ABI3BP: variants seen among roughly 807,000 people sequenced by gnomAD.
ABI3BP encodes ABI family member 3 binding protein, also known as target of Nesh-SH3.
ABI3BP carries 216 observed loss-of-function variants against 268.6 expected under a neutral mutation model. The ratio of observed to expected loss-of-function variants is 0.80; its 90% CI spans 0.72 to 0.90. The LOEUF is 0.90. Among genes scored for constraint, ABI3BP ranks in the 40% least tolerant of loss-of-function variants. ABI3BP has a pLI of 0.00. For missense variants in ABI3BP, 2,090 were observed against 2,182.4 expected, an observed-to-expected ratio of 0.96 and a Z score of 0.84; for synonymous variants, 730 against 730.0, an observed-to-expected ratio of 1.00 and a Z score of 0.00.
chr3:100,953,223 T>C (rs904594644), intron 1 of ABI3BP, among the ~76,000 whole-genome samples: 1 of 152,142 alleles, frequency 6.6e-6, no homozygotes, highest in African/African-American at 2.4e-5. Context: ...CCAACCTCAT[T>C]ACCTTTCCAA....
chr3:100,838,362 T>C, intron 25 of ABI3BP, 40 bp downstream of exon 25: 2 of 1,529,846 alleles, frequency 1.3e-6, no homozygotes, highest in Non-Finnish European at 1.8e-6. Context: ...TACACATTGT[T>C]TTCCTATTTA....
At chr3:100,939,288 G>A (rs911326632) in intron 1 of ABI3BP, among the ~76,000 whole-genome samples, 1 of 152,060 alleles carries the variant, frequency 6.6e-6, no homozygotes, top group African/African-American at 2.4e-5. Context: ...TTCAGGTTAT[G>A]CAGTGAAAAA....
chr3:100,939,620 A>T (rs1584252886), intron 1 of ABI3BP, among the ~76,000 whole-genome samples: 1 of 152,240 alleles, frequency 6.6e-6, no homozygotes, highest in East Asian at 1.9e-4. Context: ...GTACTTTACA[A>T]GGTAATAGAA....
At chr3:100,807,980 C>T (rs1380170706) in intron 50 of ABI3BP, among the ~76,000 whole-genome samples, 181 bp downstream of exon 50, 1 of 151,884 alleles carries the variant, frequency 6.6e-6, no homozygotes, top group African/African-American at 2.4e-5. Flanking sequence ...TAAGCTCTTC[C>T]AATGATGTAC....
intron 1 of ABI3BP, among the ~76,000 whole-genome samples, chr3:100,962,594 C>T (rs940017252): frequency 1.3e-5 from 2 of 152,180 alleles, no homozygotes; most frequent in African/African-American, 4.8e-5. Context: ...AAACAAAACA[C>T]TCTCTGTAAG....
At chr3:100,797,578 T>A (rs76232794) in intron 51 of ABI3BP, among the ~76,000 whole-genome samples, 7 of 151,938 alleles carry the variant, frequency 4.6e-5, no homozygotes, top group East Asian at 1.9e-4. Flanking sequence ...TTTTTTTTTT[T>A]TTATTATGAG....
chr3:100,895,528 C>T (rs1401177806), intron 4 of ABI3BP, among the ~76,000 whole-genome samples: 1 of 152,102 alleles, frequency 6.6e-6, no homozygotes, highest in African/African-American at 2.4e-5. Flanking sequence ...AATGAGGCTA[C>T]ACAAACCAAT....
intron 30 of ABI3BP, 76 bp from the exon 31 acceptor site, chr3:100,832,426 T>C: frequency 7.5e-7 from 1 of 1,327,762 alleles, no homozygotes; most frequent in East Asian, 2.5e-5. Context: ...TAGCTCTAAG[T>C]TTTAAAATAC....
chr3:100,849,366 G>A (rs1339500310), intron 17 of ABI3BP, among the ~76,000 whole-genome samples: 1 of 151,684 alleles, frequency 6.6e-6, no homozygotes, highest in Non-Finnish European at 1.5e-5. Context: ...TGGGACTACA[G>A]GCATGTACCA....
chr3:100,819,248 T>C (rs73861218), intron 40 of ABI3BP, among the ~76,000 whole-genome samples: 5,102 of 152,274 alleles, frequency 0.034, 296 homozygotes, highest in African/African-American at 0.12. Context: ...ATCCTGTGTG[T>C]TTCAGGAAGC....
At chr3:100,826,449 C>G (rs1300076650) in intron 34 of ABI3BP, among the ~76,000 whole-genome samples, 1 of 152,056 alleles carries the variant, frequency 6.6e-6, no homozygotes. Flanking sequence ...GCAAACAATT[C>G]CTGTAGTTAT....
rs1459305885 is a variant in ABI3BP at position 100,810,434 on chromosome 3, T to G, written c.3585A>C (p.Pro1195=). The G allele has an allele frequency of 4.6e-6, 7 of 1,534,952 alleles. No individual in the cohort carries two copies. The highest frequency in any genetic ancestry group is 2.4e-5 in the East Asian group (1 of 40,878). Reference sequence around the variant, plus strand: ...TACCAGGTTCAGTCTGAGGCTCATCTGGGCTGGGTAGGGTTATAGATTGAG... The same window carrying G: ...TACCAGGTTCAGTCTGAGGCTCATCGGGGCTGGGTAGGGTTATAGATTGAG... ...LPSQSITLPS[P]DEPQTEPAPK... The change falls in exon 49 of 68, where the codon CCA becomes CCC. Residue 1195 remains proline, a synonymous_variant. Transcript: ENST00000471714.
chr3:100,850,803 G>A, intron 15 of ABI3BP, 69 bp from the exon 16 acceptor site: 1 of 1,237,608 alleles, frequency 8.1e-7, no homozygotes, highest in Non-Finnish European at 1.2e-6. Context: ...AAATTCATGA[G>A]TAATAAATTA....
At chr3:100,979,800 A>G (rs1199799560) in intron 1 of ABI3BP, among the ~76,000 whole-genome samples, 1 of 152,212 alleles carries the variant, frequency 6.6e-6, no homozygotes, top group Non-Finnish European at 1.5e-5. Context: ...TCACAAATTT[A>G]TGGGATTATA....
chr3:100,939,481 A>G (rs911198579), intron 1 of ABI3BP, among the ~76,000 whole-genome samples: 1 of 152,050 alleles, frequency 6.6e-6, no homozygotes, highest in Non-Finnish European at 1.5e-5. Flanking sequence ...AAAGCTGGGC[A>G]TCCGGGGAAG....
chr3:100,812,606 C>A, intron 45 of ABI3BP, 83 bp from the exon 46 acceptor site: 1 of 838,570 alleles, frequency 1.2e-6, no homozygotes, highest in South Asian at 4.7e-5. Flanking sequence ...AGTAAGTGTT[C>A]AATGTTAACT....
chr3:100,943,636 G>A (rs554424892), intron 1 of ABI3BP, among the ~76,000 whole-genome samples: 5 of 152,062 alleles, frequency 3.3e-5, no homozygotes, highest in Admixed American at 1.3e-4. Flanking sequence ...TAGACTCTTC[G>A]ATTAAATAAA....
intron 51 of ABI3BP, among the ~76,000 whole-genome samples, chr3:100,801,092 C>T (rs1483877580): frequency 6.6e-6 from 1 of 151,870 alleles, no homozygotes; most frequent in East Asian, 1.9e-4. Flanking sequence ...AGATAAGTGG[C>T]AATCAATATT....
chr3:100,834,269 C>G, intron 29 of ABI3BP, among the ~76,000 whole-genome samples: 1 of 152,154 alleles, frequency 6.6e-6, no homozygotes, highest in East Asian at 1.9e-4. Flanking sequence ...TAAATATTTG[C>G]TTTTCCTCAC....
Sources: gnomAD v4.1 joint callset for allele counts (sites outside exome capture counted in the v4.1 genomes callset) on GRCh38, gnomAD v4.1.1 for gene constraint, MANE v1.5 for transcripts, NCBI Gene and HGNC (gene_info 2026-07-23, HGNC 2026-07-21) for gene names.